The following SF3A1 variants were observed in gnomAD, a reference collection of about 807,000 sequenced individuals.
SF3A1 encodes SAP 114.
SF3A1 carries 13 observed loss-of-function variants against 89.9 expected under a neutral mutation model. The ratio of observed to expected loss-of-function variants is 0.14; its 90% CI spans 0.09 to 0.23. The LOEUF is 0.23. Among genes scored for constraint, SF3A1 ranks in the 10% least tolerant of loss-of-function variants. SF3A1 has a pLI of 1.00. For missense variants in SF3A1, 604 were observed against 1,022.1 expected, an observed-to-expected ratio of 0.59 and a Z score of 5.58; for synonymous variants, 405 against 374.4, an observed-to-expected ratio of 1.08 and a Z score of -0.94.
intron 11 of SF3A1, 122 bp from the exon 12 acceptor site, chr22:30,338,019 C>T (rs1226734789): frequency 2.7e-6 from 2 of 749,054 alleles, no homozygotes; most frequent in African/African-American, 3.5e-5. Flanking sequence ...GTCCTGGCCC[C>T]CTGGGACTGA....
At chr22:30,346,188 G>A in intron 3 of SF3A1, 124 bp downstream of exon 3, 3 of 718,450 alleles carry the variant, frequency 4.2e-6, no homozygotes, top group Non-Finnish European at 7.3e-6. Context: ...TCTGAGAGAT[G>A]GGGATAACGA....
At chr22:30,344,557 G>A (rs1945378600) in intron 4 of SF3A1, among the ~76,000 whole-genome samples, 1 of 152,198 alleles carries the variant, frequency 6.6e-6, no homozygotes, top group Non-Finnish European at 1.5e-5. Context: ...ATGGCTTCTT[G>A]TGAGGACTAA....
Position 30,350,311 on chromosome 22 carries a change from AATAAAAAAAAT to A in SF3A1, c.185+2629_185+2639del, listed in dbSNP as rs1398950936. On this transcript the variant is annotated intron_variant, in intron 2 of 15. Transcript: ENST00000215793. The stretch of plus-strand genomic sequence containing the variant: ...CCATCTATACAAAAAAACTAAAAAA[AATAAAAAAAAT>A]AAAAAAAAAATTAGCTGGGTGTGGT... 2.1e-4 allele frequency among the ~76,000 whole-genome samples: 31 copies of A among 149,458 alleles called. 3 individuals are homozygous for A. The highest frequency in any genetic ancestry group is 3.9e-4 in the Non-Finnish European group (26 of 66,998).
At chr22:30,335,611 G>A (rs1403144866) in intron 14 of SF3A1, 41 bp downstream of exon 14, 1 of 1,610,998 alleles carries the variant, frequency 6.2e-7, no homozygotes, top group Non-Finnish European at 8.5e-7. Flanking sequence ...TGAATGCTTG[G>A]TTCCCATGCA....
rs1931050331 is a variant in SF3A1 at position 30,335,877 on chromosome 22, G to C, written c.2107-124C>G. 6.4e-6 allele frequency: 5 copies of C among 776,228 alleles called. No homozygotes were observed. The East Asian group carries it at 1.3e-4, about 19-fold the overall frequency. 48.1% of individuals were successfully genotyped at this position (776,228 alleles called of 1,614,324 possible). On this transcript the variant is annotated intron_variant, in intron 13 of 15. Coordinates refer to ENST00000215793, the MANE Select transcript of SF3A1 (RefSeq NM_005877.6). ...CATCTGGGCTCCTGGATTCTGGCCTGATTCACCACTGATAACCCCTTGTGA... is the reference window on the plus strand; with the variant it reads ...CATCTGGGCTCCTGGATTCTGGCCTCATTCACCACTGATAACCCCTTGTGA...
intron 13 of SF3A1, among the ~76,000 whole-genome samples, chr22:30,336,617 C>T (rs1326311362): frequency 6.6e-6 from 1 of 152,180 alleles, no homozygotes; most frequent in Non-Finnish European, 1.5e-5. Flanking sequence ...CAGGATCCCA[C>T]CCAACAGGCA....
At position 30,340,118 on chromosome 22, in the gene SF3A1, T is replaced by C. The variant is rs138889835; in HGVS notation, c.1375+78A>G. 1.7e-3 allele frequency: 2,257 copies of C among 1,298,926 alleles called. 80 individuals carry two copies. The East Asian group carries it at 0.061, about 35-fold the overall frequency. The allele number at this position is 1,298,926 out of a possible 1,614,324, so 80.5% of individuals were successfully genotyped here. A position where few individuals can be genotyped will look rare whatever the true frequency, so the allele number is the denominator to read the frequency against. ...CAAAAGCTTTTGTTGACCTCAATTGTTGCTTTCTATGTTTGCTTAGAAGAA... is the reference window on the plus strand; with the variant it reads ...CAAAAGCTTTTGTTGACCTCAATTGCTGCTTTCTATGTTTGCTTAGAAGAA... On this transcript the variant is annotated intron_variant, in intron 9 of 15. Coordinates refer to ENST00000215793, the MANE Select transcript of SF3A1 (RefSeq NM_005877.6).
intron 2 of SF3A1, among the ~76,000 whole-genome samples, chr22:30,351,524 G>GT (rs1300035125): frequency 4.6e-5 from 7 of 151,744 alleles, no homozygotes; most frequent in South Asian, 2.1e-4. Context: ...TACTTGTTTT[G>GT]TTTTTTTTGA....
In SF3A1 at chr22:30,334,842, G is replaced by A. The variant is rs1931019040; in HGVS notation, c.2281-147C>T. ...GAAGGTAGGGTGTTGGGGACTGGAGGCCTCTCATTCCTCCCACTGTTTCCT... is the reference window on the plus strand; with the variant it reads ...GAAGGTAGGGTGTTGGGGACTGGAGACCTCTCATTCCTCCCACTGTTTCCT... On this transcript the variant is annotated intron_variant, in intron 15 of 15. Coordinates refer to ENST00000215793, the MANE Select transcript of SF3A1 (RefSeq NM_005877.6). 5.2e-6 allele frequency: 3 copies of A among 575,852 alleles called. No individual in the cohort carries two copies. The South Asian group carries it at 6.3e-5, about 12-fold the overall frequency. The allele number at this position is 575,852 out of a possible 1,614,324, so 35.7% of individuals were successfully genotyped here. A position where few individuals can be genotyped will look rare whatever the true frequency, so the allele number is the denominator to read the frequency against.
At chr22:30,345,431 G>A (rs933479262) in intron 3 of SF3A1, among the ~76,000 whole-genome samples, 4 of 152,194 alleles carry the variant, frequency 2.6e-5, no homozygotes, top group African/African-American at 9.7e-5. Flanking sequence ...ATTCCCCTCT[G>A]TATCTCTGCT....
rs141395801 is a variant in SF3A1 at position 30,352,609 on chromosome 22, G to A, written c.185+342C>T. On this transcript the variant is annotated intron_variant, in intron 2 of 15. Coordinates refer to ENST00000215793, the MANE Select transcript of SF3A1 (RefSeq NM_005877.6). Reference sequence around the variant, plus strand: ...TCTTGGAATGTGGTCTTTGTACAATGAGAATAATAAACTCCCCTTTTTATC... The same window carrying A: ...TCTTGGAATGTGGTCTTTGTACAATAAGAATAATAAACTCCCCTTTTTATC... The A allele has an allele frequency of 3.0e-4, 57 of 188,006 alleles. No homozygotes were observed. The East Asian group carries it at 4.7e-3, about 16-fold the overall frequency. The allele number at this position is 188,006 out of a possible 1,614,324, so 11.6% of individuals were successfully genotyped here.
intron 5 of SF3A1, 37 bp downstream of exon 5, chr22:30,342,768 A>G: frequency 7.7e-7 from 1 of 1,305,974 alleles, no homozygotes; most frequent in Non-Finnish European, 1.1e-6. Context: ...AGAACCAACC[A>G]CCAGTAACTG....
At chr22:30,340,980 T>C (rs1040415384) in intron 7 of SF3A1, among the ~76,000 whole-genome samples, 168 bp from the exon 8 acceptor site, 1 of 152,064 alleles carries the variant, frequency 6.6e-6, no homozygotes, top group African/African-American at 2.4e-5. Context: ...CCAAGCTGCT[T>C]CCTCACAGCA....
chr22:30,352,820 C>T (rs1931642748), intron 2 of SF3A1, 131 bp downstream of exon 2: 4 of 1,069,034 alleles, frequency 3.7e-6, no homozygotes, highest in Non-Finnish European at 5.4e-6. Context: ...TACCCCAGTG[C>T]CATGTTGTGG....
In SF3A1 at chr22:30,346,409, C is replaced by T. The variant is rs779469580; in HGVS notation, c.296G>A (p.Ser99Asn). The change falls in exon 3 of 16, where the codon AGC becomes AAC. Residue 99 changes from serine to asparagine, a missense_variant. Physicochemically the swap from Ser to Asn is conservative, Grantham distance 46 (BLOSUM62 1). Coordinates refer to ENST00000215793, the MANE Select transcript of SF3A1 (RefSeq NM_005877.6). ...PYHAYYRHKV[S>N]EFKEGKAQEP... ...CTGAGCCTTCCCTTCCTTGAACTCG[C>T]TGACCTTGTGGCGGTAGTAGGCATG... 1.2e-6 allele frequency: 2 copies of T among 1,614,100 alleles called. No individual in the cohort carries two copies. Among genetic ancestry groups the T allele is most frequent in the Admixed American group, 1.7e-5 (1 of 60,016 alleles).
intron 1 of SF3A1, 96 bp downstream of exon 1, chr22:30,356,634 C>T: frequency 1.0e-6 from 1 of 997,556 alleles, no homozygotes; most frequent in Non-Finnish European, 1.4e-6. Context: ...GCAGTCCCTC[C>T]AAGCCCTTCA....
At chr22:30,345,836 G>T (rs1020537652) in intron 3 of SF3A1, among the ~76,000 whole-genome samples, 2 of 152,146 alleles carry the variant, frequency 1.3e-5, no homozygotes, top group African/African-American at 4.8e-5. Flanking sequence ...CTAGTGCTGG[G>T]CCTCAGCACA....
intron 13 of SF3A1, 38 bp downstream of exon 13, chr22:30,336,988 C>A: frequency 1.9e-6 from 3 of 1,613,414 alleles, no homozygotes; most frequent in Non-Finnish European, 2.5e-6. Flanking sequence ...ACTGAACCCT[C>A]CAGCTAGAAA....
intron 7 of SF3A1, among the ~76,000 whole-genome samples, chr22:30,341,192 C>T (rs967576828): frequency 6.6e-6 from 1 of 152,310 alleles, no homozygotes; most frequent in South Asian, 2.1e-4. Context: ...AAAGTCATTT[C>T]CCACAGACAG....
Sources: allele counts gnomAD v4.1 joint callset (sites outside exome capture counted in the v4.1 genomes callset), GRCh38; gene constraint gnomAD v4.1.1; transcripts MANE v1.5; gene names NCBI Gene and HGNC (gene_info 2026-07-23, HGNC 2026-07-21).